The following FGF13 variants were observed in gnomAD, a reference collection of about 807,000 sequenced individuals.
FGF13 encodes fibroblast growth factor 13.
In FGF13, 2 loss-of-function variants were observed where a neutral mutation model predicts 19.5. The ratio of observed to expected loss-of-function variants is 0.10; its 90% CI spans 0.04 to 0.32. The LOEUF is 0.32. Among genes scored for constraint, FGF13 ranks in the 10% least tolerant of loss-of-function variants. The pLI is 1.00. For synonymous variants in FGF13, 72 were observed against 76.9 expected, an observed-to-expected ratio of 0.94 and a Z score of 0.33; for missense variants, 113 against 192.7, an observed-to-expected ratio of 0.59 and a Z score of 2.45.
upstream of FGF13, among the ~76,000 whole-genome samples, chrX:138,743,838 G>C (rs746245953): frequency 2.3e-4 from 26 of 110,957 alleles, no homozygotes; most frequent in Non-Finnish European, 4.3e-4. Context: ...CACTAAGAGA[G>C]GTGAAGTTTT....
intron 1 of FGF13, among the ~76,000 whole-genome samples, chrX:138,999,920 C>T (rs1303367311): frequency 1.8e-5 from 2 of 111,780 alleles, no homozygotes; most frequent in African/African-American, 3.3e-5. Context: ...CGATGAACAT[C>T]GATGCAAAAT....
intron 1 of FGF13, among the ~76,000 whole-genome samples, chrX:138,985,993 T>G (rs1466299521): frequency 8.9e-6 from 1 of 111,999 alleles, no homozygotes; most frequent in Non-Finnish European, 1.9e-5. Flanking sequence ...ACACTGTTTA[T>G]AATCGACTGT....
chrX:138,823,930 G>C (rs774392046), intron 3 of FGF13, among the ~76,000 whole-genome samples: 1 of 111,881 alleles, frequency 8.9e-6, no homozygotes, highest in Non-Finnish European at 1.9e-5. Flanking sequence ...TCATTTTCTT[G>C]CATGTCCTAT....
At chrX:138,839,522 G>A (rs919423351) in intron 3 of FGF13, among the ~76,000 whole-genome samples, 1 of 111,615 alleles carries the variant, frequency 9.0e-6, no homozygotes, top group Non-Finnish European at 1.9e-5. Flanking sequence ...GAGATGAGCC[G>A]TGCTGTTCAC....
chrX:139,032,617 C>T (rs1400424887), intron 1 of FGF13, among the ~76,000 whole-genome samples: 1 of 110,840 alleles, frequency 9.0e-6, no homozygotes, highest in Non-Finnish European at 1.9e-5. Flanking sequence ...CAAAGGGCAA[C>T]TTTGCTTAGA....
chrX:138,754,972 C>T (rs917493484), intron 3 of FGF13, among the ~76,000 whole-genome samples: 10 of 111,799 alleles, frequency 8.9e-5, no homozygotes, highest in African/African-American at 3.3e-4. Flanking sequence ...ATGCACCTTT[C>T]CCCTTTGTTA....
chrX:138,782,493 A>G (rs1449185917), intron 3 of FGF13, among the ~76,000 whole-genome samples: 2 of 110,448 alleles, frequency 1.8e-5, no homozygotes, highest in Non-Finnish European at 3.8e-5. Context: ...ATGTGCAAAA[A>G]TCACAAGCAT....
At chrX:138,772,473 T>C (rs973734506) in intron 3 of FGF13, among the ~76,000 whole-genome samples, 17 of 110,723 alleles carry the variant, frequency 1.5e-4, no homozygotes, top group African/African-American at 5.6e-4. Context: ...CAACAGCAAA[T>C]GTTTTACCCA....
chrX:138,999,576 G>GA (rs2092062413), intron 1 of FGF13, among the ~76,000 whole-genome samples: 1 of 111,934 alleles, frequency 8.9e-6, no homozygotes, highest in Non-Finnish European at 1.9e-5. Context: ...AAATAAACTA[G>GA]AAAAACTAGA....
At chrX:139,129,284 T>A (rs967444773) in intron 1 of FGF13, among the ~76,000 whole-genome samples, 7 of 110,110 alleles carry the variant, frequency 6.4e-5, no homozygotes, top group Admixed American at 3.9e-4. Context: ...TCATCACATA[T>A]TACACTTTCA....
intron 1 of FGF13, among the ~76,000 whole-genome samples, chrX:139,129,035 G>C (rs1047339645): frequency 1.9e-5 from 2 of 107,435 alleles, no homozygotes; most frequent in Non-Finnish European, 3.8e-5. Context: ...GGTGGGGGAG[G>C]GGGGAGCTCC....
intron 1 of FGF13, among the ~76,000 whole-genome samples, chrX:139,052,793 T>A (rs1031335886): frequency 5.3e-5 from 6 of 112,311 alleles, no homozygotes; most frequent in African/African-American, 1.9e-4. Flanking sequence ...TTGTTTGTTT[T>A]TGAAACACCA....
At chrX:138,836,347 A>G (rs1038061625) in intron 3 of FGF13, among the ~76,000 whole-genome samples, 1 of 111,857 alleles carries the variant, frequency 8.9e-6, no homozygotes, top group African/African-American at 3.2e-5. Context: ...CAGTCTCTTT[A>G]CATAATCCCA....
At chrX:138,806,741 A>AC (rs1431125912) in intron 3 of FGF13, 1 of 111,253 alleles carries the variant, frequency 9.0e-6, no homozygotes, top group Non-Finnish European at 1.9e-5. Context: ...TGAGAGGGAC[A>AC]GAAGGATGAA....
At chrX:138,792,744 A>G (rs904447689) in intron 3 of FGF13, among the ~76,000 whole-genome samples, 2 of 110,863 alleles carry the variant, frequency 1.8e-5, no homozygotes, top group African/African-American at 6.6e-5. Context: ...GGCAGCCATA[A>G]TTCTCTCTTC....
At chrX:139,189,129 G>A (rs1374643968) in intron 1 of FGF13, among the ~76,000 whole-genome samples, 1 of 108,786 alleles carries the variant, frequency 9.2e-6, no homozygotes, top group South Asian at 4.0e-4. Flanking sequence ...GACCCAAGAG[G>A]ACCTAAAAAA....
intron 1 of FGF13, among the ~76,000 whole-genome samples, chrX:138,986,787 T>G (rs1430067857): frequency 8.9e-6 from 1 of 111,899 alleles, no homozygotes; most frequent in Non-Finnish European, 1.9e-5. Flanking sequence ...ATTGAATCCA[T>G]TTTAAAAATA....
intron 1 of FGF13, among the ~76,000 whole-genome samples, chrX:138,998,090 A>G (rs1486157301): frequency 8.9e-6 from 1 of 111,854 alleles, no homozygotes; most frequent in East Asian, 2.8e-4. Flanking sequence ...ACTAAGCTTC[A>G]TAAGTGAAGA....
At chrX:139,081,819 T>A (rs1467593569) in intron 1 of FGF13, among the ~76,000 whole-genome samples, 2 of 111,050 alleles carry the variant, frequency 1.8e-5, no homozygotes, top group Non-Finnish European at 3.8e-5. Context: ...ACCTCTACTA[T>A]GACTACACTA....
Sources: allele counts gnomAD v4.1 joint callset (sites outside exome capture counted in the v4.1 genomes callset), GRCh38; gene constraint gnomAD v4.1.1; transcripts MANE v1.5; gene names NCBI Gene and HGNC (gene_info 2026-07-23, HGNC 2026-07-21).